SHANK2: variants seen among roughly 807,000 people sequenced by gnomAD.
SHANK2 encodes SH3 and multiple ankyrin repeat domains protein 2.
Under a neutral mutation model 133.7 loss-of-function variants are expected in SHANK2, and 43 were observed. The observed-to-expected ratio is 0.32, with a 90% confidence interval of 0.25 to 0.41. The LOEUF (loss-of-function observed/expected upper bound fraction) is 0.41. Among genes scored for constraint, SHANK2 ranks in the 10% least tolerant of loss-of-function variants. The pLI is 1.00. For synonymous variants in SHANK2, 1,017 were observed against 952.8 expected, an observed-to-expected ratio of 1.07 and a Z score of -1.24; for missense variants, 1,994 against 2,235.8, an observed-to-expected ratio of 0.89 and a Z score of 2.18.
At chr11:70,552,907 A>G (rs2059787953) in intron 17 of SHANK2, among the ~76,000 whole-genome samples, 1 of 152,118 alleles carries the variant, frequency 6.6e-6, no homozygotes, top group African/African-American at 2.4e-5. Flanking sequence ...GACAGGCTGG[A>G]GGCTGAGGTC....
chr11:70,689,934 C>A (rs187324285), intron 15 of SHANK2, among the ~76,000 whole-genome samples: 1 of 152,260 alleles, frequency 6.6e-6, no homozygotes, highest in East Asian at 1.9e-4. Flanking sequence ...TGAAGCAATG[C>A]CTGGAGAGTT....
chr11:70,809,201 G>A lies in SHANK2; in HGVS notation c.1494-2030C>T, dbSNP rs562252399. ...AAAGACAGGGAAAGTGTCCACCTGC[G>A]GCTGGCATCCTCCAACAGGGCGCCT... On this transcript the variant is annotated intron_variant, in intron 12 of 25. Transcript: ENST00000601538. Among the ~76,000 whole-genome samples the A allele has an allele frequency of 9.2e-5, 14 of 152,322 alleles. No individual in the cohort carries two copies. The East Asian group carries it at 2.5e-3, about 27-fold the overall frequency.
Position 70,781,558 on chromosome 11 carries a change from T to TTTTATATATATATATATATA in SHANK2, c.1777+16884_1777+16885insTATATATATATATATATAAA, listed in dbSNP as rs1555045156. On this transcript the variant is annotated intron_variant, in intron 14 of 25. Coordinates refer to ENST00000601538, the MANE Select transcript of SHANK2 (RefSeq NM_012309.5). ...AAGCAGCTTGCAATTTACTTACTTA[T>TTTTATATATATATATATATA]TATATATATATATATATATATATAT... Among the ~76,000 whole-genome samples, 38 of 28,968 alleles carry TTTTATATATATATATATATA rather than the reference T, an allele frequency of 1.3e-3. 1 individual carries two copies. The highest frequency in any genetic ancestry group is 2.4e-3 in the African/African-American group (23 of 9,600). The allele number at this position is 28,968 out of a possible 152,430, so 19.0% of individuals were successfully genotyped here.
chr11:71,243,361 C>G (rs1415391861), intron 1 of SHANK2, among the ~76,000 whole-genome samples: 3 of 152,168 alleles, frequency 2.0e-5, no homozygotes, highest in African/African-American at 7.2e-5. Flanking sequence ...TTACCAAACT[C>G]AGGAATGAAA....
chr11:70,642,645 C>A (rs73523882), intron 17 of SHANK2, among the ~76,000 whole-genome samples: 7 of 152,216 alleles, frequency 4.6e-5, no homozygotes, highest in South Asian at 4.1e-4. Flanking sequence ...CCCCTGACAC[C>A]TCCCGTCATC....
chr11:70,838,360 T>A (rs1948855095), intron 11 of SHANK2, among the ~76,000 whole-genome samples: 2 of 152,246 alleles, frequency 1.3e-5, no homozygotes, highest in African/African-American at 4.8e-5. Flanking sequence ...ATTTTCCTTC[T>A]CTTCCTAGCT....
intron 10 of SHANK2, among the ~76,000 whole-genome samples, chr11:70,954,325 A>G (rs1950886318): frequency 6.6e-6 from 1 of 152,254 alleles, no homozygotes; most frequent in African/African-American, 2.4e-5. Flanking sequence ...GGTGTCAGGC[A>G]GCCTTCATCA....
At chr11:71,108,221 G>A (rs1203153746) in intron 6 of SHANK2, among the ~76,000 whole-genome samples, 1 of 152,206 alleles carries the variant, frequency 6.6e-6, no homozygotes, top group African/African-American at 2.4e-5. Flanking sequence ...CTGGCACAGG[G>A]GCCATCACTG....
intron 1 of SHANK2, among the ~76,000 whole-genome samples, chr11:71,229,244 A>C (rs1410522251): frequency 2.6e-5 from 4 of 152,232 alleles, no homozygotes; most frequent in African/African-American, 7.2e-5. Flanking sequence ...ATATGGCAAA[A>C]AAACAAACAA....
At chr11:70,829,072 G>A (rs1190184562) in intron 11 of SHANK2, among the ~76,000 whole-genome samples, 2 of 152,202 alleles carry the variant, frequency 1.3e-5, no homozygotes, top group Non-Finnish European at 2.9e-5. Context: ...TGCCGGCCAC[G>A]GAAGACCTTG....
At chr11:70,631,971 C>A (rs57815613) in intron 17 of SHANK2, 3 of 152,230 alleles carry the variant, frequency 2.0e-5, no homozygotes, top group African/African-American at 7.2e-5. Flanking sequence ...TGGAATCACA[C>A]GCAGAAATTA....
Position 70,508,706 on chromosome 11 carries a change from C to T in SHANK2, c.2062-5775G>A, listed in dbSNP as rs115868170. ...ACAAGTTTCAGACCAGCCTGGGCAA[C>T]ATAGTGAGACCCCATTTCTACAAAA... On this transcript the variant is annotated intron_variant, in intron 17 of 25. Coordinates refer to ENST00000601538, the MANE Select transcript of SHANK2 (RefSeq NM_012309.5). 6.1e-3 allele frequency among the ~76,000 whole-genome samples: 927 copies of T among 152,266 alleles called. 6 individuals carry two copies. The highest frequency in any genetic ancestry group is 0.021 in the African/African-American group (856 of 41,538).
chr11:70,530,078 T>G (rs750651903), intron 17 of SHANK2, among the ~76,000 whole-genome samples: 44 of 152,192 alleles, frequency 2.9e-4, no homozygotes, highest in Non-Finnish European at 4.6e-4. Flanking sequence ...GAGAAAGGAA[T>G]GCAGGGACTC....
At chr11:70,861,960 G>A (rs543238648) in intron 11 of SHANK2, among the ~76,000 whole-genome samples, 1 of 152,164 alleles carries the variant, frequency 6.6e-6, no homozygotes, top group South Asian at 2.1e-4. Context: ...CACAGGTGCA[G>A]CCAAAATGCA....
Position 70,502,836 on chromosome 11 carries a change from C to T in SHANK2, c.2157G>A (p.Val719=). The T allele has an allele frequency of 3.7e-6, 6 of 1,604,952 alleles. No individual in the cohort carries two copies. Among genetic ancestry groups the T allele is most frequent in the East Asian group, 2.3e-5 (1 of 44,314 alleles). ...GNHLVLKVVT[V]TRNLDPDDTA... ...TGTCGTCGGGGTCCAGATTCCTGGT[C>T]ACCGTGACCACCTTAAGGACCAGGT... Residue 719 remains valine, a synonymous_variant, in exon 18 of 26, where the codon GTG becomes GTA. Transcript: ENST00000601538.
intron 2 of SHANK2, among the ~76,000 whole-genome samples, chr11:71,164,343 G>T (rs1410053615): frequency 6.6e-6 from 1 of 152,186 alleles, no homozygotes; most frequent in Non-Finnish European, 1.5e-5. Flanking sequence ...GAGAGGCTTT[G>T]GCATTAAACA....
At chr11:70,610,868 C>T (rs1310801419) in intron 17 of SHANK2, among the ~76,000 whole-genome samples, 3 of 152,282 alleles carry the variant, frequency 2.0e-5, no homozygotes, top group Admixed American at 6.5e-5. Context: ...CCAAGAATGA[C>T]GGAAATCTTT....
At chr11:71,145,741 T>C (rs1305001708) in intron 3 of SHANK2, among the ~76,000 whole-genome samples, 1 of 152,206 alleles carries the variant, frequency 6.6e-6, no homozygotes, top group Non-Finnish European at 1.5e-5. Flanking sequence ...GGCAGCATGA[T>C]GCTTCCCCGA....
chr11:71,190,630 C>G (rs1469548306), intron 2 of SHANK2, among the ~76,000 whole-genome samples: 1 of 152,228 alleles, frequency 6.6e-6, no homozygotes, highest in African/African-American at 2.4e-5. Flanking sequence ...GGCCTCTCCC[C>G]TTTCTGACAA....
Sources: allele counts gnomAD v4.1 joint callset (sites outside exome capture counted in the v4.1 genomes callset), GRCh38; gene constraint gnomAD v4.1.1; transcripts MANE v1.5; gene names NCBI Gene and HGNC (gene_info 2026-07-23, HGNC 2026-07-21).